Variants in SHROOM3 observed in about 807,000 individuals in gnomAD.
The protein encoded by SHROOM3 is protein Shroom3.
A neutral mutation model predicts 138.6 loss-of-function variants in SHROOM3; 47 were observed. The observed-to-expected ratio is 0.34, with a 90% confidence interval of 0.27 to 0.43. SHROOM3 has a LOEUF of 0.43. Ranked by LOEUF, SHROOM3 falls within the 20% of genes least tolerant of loss-of-function variation. The probability of loss-of-function intolerance (pLI) is 1.00; values close to 1 mark genes in which losing one functional copy is unlikely to be tolerated. For synonymous variants in SHROOM3, 1,062 were observed against 1,063.3 expected (o/e 1.00, Z 0.02); for missense variants, 2,491 against 2,596.5 (o/e 0.96, Z 0.88).
At chr4:76,681,594 G>GGT (rs558707266) in intron 2 of SHROOM3, among the ~76,000 whole-genome samples, 3,486 of 81,052 alleles carry the variant, frequency 0.043, 153 homozygotes, top group Non-Finnish European at 0.049. Flanking sequence ...CAGAGTCTAG[G>GGT]GTGTGTGTGT....
At chr4:76,771,640 CAG>C (rs765710029) in intron 10 of SHROOM3, among the ~76,000 whole-genome samples, 55 of 152,164 alleles carry the variant, frequency 3.6e-4, no homozygotes, top group Non-Finnish European at 6.0e-4. Flanking sequence ...AGGGAGGGTA[CAG>C]GGGGACAGGT....
chr4:76,676,469 G>A (rs1288218688), intron 2 of SHROOM3, among the ~76,000 whole-genome samples: 1 of 152,030 alleles, frequency 6.6e-6, no homozygotes, highest in African/African-American at 2.4e-5. Context: ...CGTGATAAAG[G>A]CTATAGTAGA....
chr4:76,438,513 C>T (rs1730604733), intron 1 of SHROOM3, among the ~76,000 whole-genome samples: 1 of 152,112 alleles, frequency 6.6e-6, no homozygotes, highest in African/African-American at 2.4e-5. Flanking sequence ...TGTTGCATTC[C>T]AAGAGTCGTA....
chr4:76,513,692 G>A (rs1034547271), intron 1 of SHROOM3, among the ~76,000 whole-genome samples: 2 of 152,196 alleles, frequency 1.3e-5, no homozygotes, highest in African/African-American at 2.4e-5. Context: ...GGGTAATTGC[G>A]GCAGAAAAGC....
intron 2 of SHROOM3, among the ~76,000 whole-genome samples, chr4:76,608,527 T>C (rs1734670072): frequency 6.6e-6 from 1 of 150,450 alleles, no homozygotes; most frequent in Non-Finnish European, 1.5e-5. Context: ...TGGACAGAGA[T>C]GGCATAGCAT....
chr4:76,598,281 C>A (rs1329554796), intron 2 of SHROOM3, among the ~76,000 whole-genome samples: 1 of 152,096 alleles, frequency 6.6e-6, no homozygotes, highest in Non-Finnish European at 1.5e-5. Flanking sequence ...CCACCTCGGC[C>A]TCCGAAAGTC....
At chr4:76,730,550 C>T (rs908496019) in intron 3 of SHROOM3, among the ~76,000 whole-genome samples, 8 of 152,160 alleles carry the variant, frequency 5.3e-5, no homozygotes, top group African/African-American at 1.4e-4. Context: ...GAATTCTTTA[C>T]ACTAATTTTG....
At chr4:76,518,257 G>C (rs77006012) in intron 1 of SHROOM3, among the ~76,000 whole-genome samples, 1 of 152,052 alleles carries the variant, frequency 6.6e-6, no homozygotes, top group Non-Finnish European at 1.5e-5. Context: ...TAATTCTTTA[G>C]GCATTTAACC....
intron 2 of SHROOM3, among the ~76,000 whole-genome samples, chr4:76,651,401 AATATAT>A (rs33994270): frequency 0.021 from 1,825 of 86,436 alleles, 26 homozygotes; most frequent in African/African-American, 0.025. Flanking sequence ...GTAACCCATA[AATATAT>A]ATATATATAT....
intron 1 of SHROOM3, among the ~76,000 whole-genome samples, chr4:76,492,561 A>G (rs1259727020): frequency 1.3e-5 from 2 of 152,226 alleles, no homozygotes; most frequent in Non-Finnish European, 2.9e-5. Flanking sequence ...TATTATATAC[A>G]TATAAAGTTT....
chr4:76,441,087 T>G (rs13147844), intron 1 of SHROOM3, among the ~76,000 whole-genome samples: 1 of 28,924 alleles, frequency 3.5e-5, no homozygotes, highest in African/African-American at 1.0e-4. Flanking sequence ...GTTCAATTTG[T>G]TTTTTTTTTT....
rs149980808 is a variant in SHROOM3 at position 76,702,928 on chromosome 4, CAT to C, written c.324-7226_324-7225del. Among the ~76,000 whole-genome samples, 1,092 of 152,208 alleles carry C rather than the reference CAT, an allele frequency of 7.2e-3. 19 individuals carry two copies. Among genetic ancestry groups the C allele is most frequent in the African/African-American group, 0.025 (1,048 of 41,520 alleles). ...TTTCCTCATCTTTCTGCAAGGTTGACATAGAGGTCATTGGCTAAGATCTGGAG... is the reference window on the plus strand; with the variant it reads ...TTTCCTCATCTTTCTGCAAGGTTGACAGAGGTCATTGGCTAAGATCTGGAG... On this transcript the variant is annotated intron_variant, in intron 2 of 10. Transcript: ENST00000296043.
At chr4:76,452,929 G>A (rs1730953896) in intron 1 of SHROOM3, among the ~76,000 whole-genome samples, 1 of 152,270 alleles carries the variant, frequency 6.6e-6, no homozygotes, top group African/African-American at 2.4e-5. Context: ...TGTTGGCCAG[G>A]CTGGTCTCAA....
rs973044958 is a variant in SHROOM3 at position 76,561,431 on chromosome 4, CGTGAGAATCTAGGCTAGA to C, written c.323+5682_323+5699del. Among the ~76,000 whole-genome samples the C allele has an allele frequency of 5.9e-5, 9 of 152,096 alleles. 1 individual carries two copies. In the South Asian group the frequency reaches 1.7e-3, roughly 28 times the overall value. On this transcript the variant is annotated intron_variant, in intron 2 of 10. Coordinates refer to ENST00000296043, the MANE Select transcript of SHROOM3 (RefSeq NM_020859.4). ...GACTTGCCCATGTAGAGGTGGCTAG[CGTGAGAATCTAGGCTAGA>C]GTGAGAATCTAGGTCTTAAGACTTT...
At chr4:76,498,866 A>T (rs1019652057) in intron 1 of SHROOM3, among the ~76,000 whole-genome samples, 1 of 152,172 alleles carries the variant, frequency 6.6e-6, no homozygotes, top group Non-Finnish European at 1.5e-5. Flanking sequence ...ATGAAATTAA[A>T]GAAGGGGAAA....
intron 1 of SHROOM3, among the ~76,000 whole-genome samples, chr4:76,493,224 CAAAA>C (rs35837765): frequency 3.3e-3 from 186 of 56,516 alleles, no homozygotes; most frequent in African/African-American, 0.01. Flanking sequence ...AACTCCATCT[CAAAA>C]AAAAAAAAAA....
chr4:76,717,165 T>C (rs996199314), intron 3 of SHROOM3, among the ~76,000 whole-genome samples: 5 of 152,178 alleles, frequency 3.3e-5, no homozygotes, highest in Non-Finnish European at 7.4e-5. Flanking sequence ...TTTACTCCAC[T>C]CTCTTCTTTC....
At chr4:76,519,468 G>T (rs1186443166) in intron 1 of SHROOM3, among the ~76,000 whole-genome samples, 1 of 152,168 alleles carries the variant, frequency 6.6e-6, no homozygotes, top group Non-Finnish European at 1.5e-5. Flanking sequence ...AATCAATTCA[G>T]CCTGATAGTC....
intron 2 of SHROOM3, among the ~76,000 whole-genome samples, chr4:76,560,626 C>T (rs1733578795): frequency 6.6e-6 from 1 of 152,080 alleles, no homozygotes; most frequent in Non-Finnish European, 1.5e-5. Flanking sequence ...CTATTTTTGC[C>T]AAATACTATC....
Sources: allele counts gnomAD v4.1 joint callset (sites outside exome capture counted in the v4.1 genomes callset), GRCh38; gene constraint gnomAD v4.1.1; transcripts MANE v1.5; gene names NCBI Gene and HGNC (gene_info 2026-07-23, HGNC 2026-07-21).